Variants in AKAP6 observed in about 807,000 individuals in gnomAD.
AKAP6 encodes the protein A-kinase anchor protein 6.
AKAP6 carries 58 observed loss-of-function variants against 188.5 expected under a neutral mutation model. The observed-to-expected ratio is 0.31, with a 90% CI of 0.25 to 0.38. The LOEUF (loss-of-function observed/expected upper bound fraction) is 0.38, where lower values mean the gene tolerates loss of function less well. Ranked by LOEUF, AKAP6 falls within the 10% of genes least tolerant of loss-of-function variation. The probability of loss-of-function intolerance (pLI) is 1.00; values close to 1 mark genes in which losing one functional copy is unlikely to be tolerated. For missense variants in AKAP6, 2,710 were observed against 2,740.0 expected (o/e 0.99, Z 0.24); for synonymous variants, 989 against 998.6 (o/e 0.99, Z 0.18).
chr14:32,641,689 A>G (rs1487048137), intron 7 of AKAP6, among the ~76,000 whole-genome samples: 2 of 152,000 alleles, frequency 1.3e-5, no homozygotes, highest in Non-Finnish European at 2.9e-5. Context: ...ACCCTGAGAG[A>G]AATAACAAGA....
chr14:32,629,815 C>CT (rs1393463755), intron 7 of AKAP6, among the ~76,000 whole-genome samples: 1 of 150,940 alleles, frequency 6.6e-6, no homozygotes, highest in East Asian at 1.9e-4. Flanking sequence ...TGGCTCATGC[C>CT]TGTAATCTGA....
intron 2 of AKAP6, among the ~76,000 whole-genome samples, chr14:32,462,427 A>G (rs1314668150): frequency 1.3e-5 from 2 of 152,202 alleles, no homozygotes; most frequent in African/African-American, 4.8e-5. Flanking sequence ...GCCAATATTC[A>G]ACATTCATAA....
intron 1 of AKAP6, among the ~76,000 whole-genome samples, chr14:32,332,808 A>G (rs1380319978): frequency 6.6e-6 from 1 of 152,168 alleles, no homozygotes; most frequent in African/African-American, 2.4e-5. Flanking sequence ...TGCTGAATGT[A>G]TCAGTGGCTG....
chr14:32,545,195 G>A (rs766165617), intron 3 of AKAP6, 35 bp from the exon 4 acceptor site: 1 of 1,573,078 alleles, frequency 6.4e-7, no homozygotes, highest in Admixed American at 1.7e-5. Flanking sequence ...AATTGATGTT[G>A]CATTTACTGA....
At chr14:32,703,973 G>A (rs1343508356) in intron 9 of AKAP6, among the ~76,000 whole-genome samples, 3 of 152,134 alleles carry the variant, frequency 2.0e-5, no homozygotes, top group Non-Finnish European at 4.4e-5. Flanking sequence ...AACTAATCTT[G>A]GATGTACTTG....
chr14:32,742,413 G>A (rs886180392), intron 11 of AKAP6, among the ~76,000 whole-genome samples: 3 of 151,132 alleles, frequency 2.0e-5, no homozygotes, highest in Admixed American at 2.0e-4. Context: ...CTAATTTTGG[G>A]TTTGGTTTGC....
Position 32,735,672 on chromosome 14 carries a change from G to C in AKAP6, c.3162G>C (p.Glu1054Asp). The C allele has an allele frequency of 6.3e-7, 1 of 1,592,092 alleles. No individual in the cohort carries two copies. The highest frequency in any genetic ancestry group is 8.5e-7 in the Non-Finnish European group (1 of 1,172,350). The change falls in exon 11 of 14, where the codon GAG becomes GAC. Residue 1054 changes from glutamate to aspartate, a missense_variant. By Grantham distance (45) the Glu-to-Asp change is conservative. Transcript: ENST00000280979. ...KWELLGKTLG[E>D]KIQDTMAGHS... Reference sequence around the variant, plus strand: ...TGATGCATTAGAAAACCCTAGGAGAGAAGATCCAGGACACAATGGCAGGGC... The same window carrying C: ...TGATGCATTAGAAAACCCTAGGAGACAAGATCCAGGACACAATGGCAGGGC...
At chr14:32,571,356 C>T (rs922798369) in intron 4 of AKAP6, among the ~76,000 whole-genome samples, 2 of 151,788 alleles carry the variant, frequency 1.3e-5, no homozygotes, top group Admixed American at 1.3e-4. Flanking sequence ...AGACCCCCAT[C>T]TCTACAAAAA....
At chr14:32,621,552 T>C (rs1251918307) in intron 7 of AKAP6, among the ~76,000 whole-genome samples, 1 of 152,130 alleles carries the variant, frequency 6.6e-6, no homozygotes, top group African/African-American at 2.4e-5. Context: ...AAGATAGTAT[T>C]TTGATTTTTT....
At chr14:32,748,905 CTT>C (rs1260773269) in intron 11 of AKAP6, among the ~76,000 whole-genome samples, 2 of 152,112 alleles carry the variant, frequency 1.3e-5, no homozygotes, top group Non-Finnish European at 2.9e-5. Flanking sequence ...CTTTTTACCT[CTT>C]GTTTCTCCAA....
At chr14:32,526,595 G>T (rs1379967963) in intron 2 of AKAP6, among the ~76,000 whole-genome samples, 1 of 152,122 alleles carries the variant, frequency 6.6e-6, no homozygotes, top group Non-Finnish European at 1.5e-5. Context: ...GCCCAGGGTG[G>T]TCTCAAACTC....
chr14:32,638,919 G>A (rs991102706), intron 7 of AKAP6, among the ~76,000 whole-genome samples: 1 of 152,140 alleles, frequency 6.6e-6, no homozygotes, highest in African/African-American at 2.4e-5. Flanking sequence ...TCTTATGGAA[G>A]TATAGGGGAA....
intron 12 of AKAP6, among the ~76,000 whole-genome samples, chr14:32,798,944 A>G (rs2033856664): frequency 6.6e-6 from 1 of 152,148 alleles, no homozygotes; most frequent in Admixed American, 6.5e-5. Flanking sequence ...ATATGTAAAA[A>G]CTGTTTTGAA....
intron 8 of AKAP6, among the ~76,000 whole-genome samples, chr14:32,682,874 GT>G (rs1279826842): frequency 1.3e-5 from 2 of 152,092 alleles, no homozygotes; most frequent in East Asian, 3.9e-4. Flanking sequence ...CTAGGAATTT[GT>G]TAGAAATGTC....
intron 2 of AKAP6, among the ~76,000 whole-genome samples, chr14:32,521,798 A>G (rs915907428): frequency 1.3e-5 from 2 of 152,238 alleles, no homozygotes; most frequent in African/African-American, 4.8e-5. Flanking sequence ...ATCCCCATCA[A>G]GCTACCAATG....
intron 1 of AKAP6, among the ~76,000 whole-genome samples, chr14:32,391,158 A>G (rs895346244): frequency 3.3e-5 from 5 of 152,194 alleles, no homozygotes; most frequent in Non-Finnish European, 5.9e-5. Context: ...GATTAAGTGC[A>G]AAGAACCTCA....
chr14:32,572,967 G>A (rs1884557294), intron 4 of AKAP6, among the ~76,000 whole-genome samples: 1 of 152,118 alleles, frequency 6.6e-6, no homozygotes, highest in Non-Finnish European at 1.5e-5. Context: ...CCAAACAAGG[G>A]TCTACAGACT....
intron 5 of AKAP6, among the ~76,000 whole-genome samples, chr14:32,587,338 G>A (rs757521803): frequency 2.0e-5 from 3 of 152,160 alleles, no homozygotes; most frequent in South Asian, 2.1e-4. Flanking sequence ...AAAAGCATAC[G>A]GATATCTCAA....
chr14:32,522,865 C>T (rs1243747272), intron 2 of AKAP6, among the ~76,000 whole-genome samples: 3 of 151,256 alleles, frequency 2.0e-5, no homozygotes, highest in Non-Finnish European at 4.4e-5. Flanking sequence ...ATTATAAAGA[C>T]ACATGCACAC....
Sources: allele counts gnomAD v4.1 joint callset (sites outside exome capture counted in the v4.1 genomes callset), GRCh38; gene constraint gnomAD v4.1.1; transcripts MANE v1.5; gene names NCBI Gene and HGNC (gene_info 2026-07-23, HGNC 2026-07-21).